Variants in ANKRD26 observed in about 807,000 individuals in gnomAD.
ANKRD26 encodes ankyrin repeat domain 26.
Under a neutral mutation model 208.7 loss-of-function variants are expected in ANKRD26, and 141 were observed. That is an observed-to-expected ratio of 0.68 (90% CI 0.59 to 0.78). ANKRD26 has a LOEUF of 0.78. Among genes scored for constraint, ANKRD26 ranks in the 30% least tolerant of loss-of-function variants. ANKRD26 has a pLI of 0.00. For synonymous variants in ANKRD26, 636 were observed against 660.4 expected (o/e 0.96, Z 0.57); for missense variants, 1,889 against 1,938.7 (o/e 0.97, Z 0.48).
chr10:26,974,002 T>C (rs548206748), exon 6 of ANKRD26, among the ~76,000 whole-genome samples: 300 of 152,182 alleles, frequency 2.0e-3, no homozygotes, highest in Non-Finnish European at 2.7e-3. Context: ...CTAGGATTCA[T>C]TGATGCTTCC....
At chr10:26,977,126 T>C (rs74128507) in intron 5 of ANKRD26, among the ~76,000 whole-genome samples, 39 of 152,346 alleles carry the variant, frequency 2.6e-4, no homozygotes, top group African/African-American at 9.4e-4. Flanking sequence ...GAGTTAATAA[T>C]ACTTCCCATT....
intron 16 of ANKRD26, chr10:27,051,217 C>A (rs1185013379): frequency 7.8e-7 from 1 of 1,289,720 alleles, no homozygotes; most frequent in African/African-American, 1.5e-5. Flanking sequence ...CTCACATTTT[C>A]TAATTCAGGT....
downstream of ANKRD26, among the ~76,000 whole-genome samples, chr10:26,988,248 A>G (rs1189259328): frequency 1.3e-5 from 2 of 152,088 alleles, no homozygotes; most frequent in Admixed American, 6.6e-5. Flanking sequence ...GGAAAGCTAA[A>G]ATTTCTCTCA....
At chr10:26,956,977 C>T in the ANKRD26 span, among the ~76,000 whole-genome samples, 2 of 152,116 alleles carry the variant, frequency 1.3e-5, no homozygotes, top group Non-Finnish European at 2.9e-5. Flanking sequence ...AAAGCTAGAA[C>T]CTAATACTTT....
chr10:27,082,808 T>C lies in ANKRD26; in HGVS notation c.735A>G (p.Leu245=). The change falls in exon 6 of 34, where the codon TTA becomes TTG. Residue 245 remains leucine, a synonymous_variant. Transcript: ENST00000376087. ...AAAAATCTGTAAAATACTACCTGCT[T>C]AAGGAGTCTTCAGAGCTTTCATCCA... ...NSVDESSEDS[L]SRLSGKPGVD... 6.3e-7 allele frequency: 1 copy of C among 1,588,306 alleles called. No individual in the cohort carries two copies. Among genetic ancestry groups the C allele is most frequent in the Non-Finnish European group, 8.6e-7 (1 of 1,166,222 alleles).
intron 21 of ANKRD26, among the ~76,000 whole-genome samples, chr10:27,039,691 C>CA (rs2054165576): frequency 6.6e-6 from 1 of 151,900 alleles, no homozygotes. Flanking sequence ...AACTATAATA[C>CA]AAAAAAACTG....
intron 15 of ANKRD26, among the ~76,000 whole-genome samples, chr10:27,053,814 A>C (rs2054747671): frequency 6.6e-6 from 1 of 152,216 alleles, no homozygotes; most frequent in Non-Finnish European, 1.5e-5. Context: ...AAACAAAACA[A>C]AATTTTATGA....
intron 5 of ANKRD26, among the ~76,000 whole-genome samples, chr10:26,979,648 T>C (rs944181250): frequency 1.3e-5 from 2 of 152,208 alleles, no homozygotes; most frequent in Admixed American, 6.5e-5. Context: ...AGAGCTCACG[T>C]TATGATTATA....
intron 19 of ANKRD26, 22 bp from the exon 20 acceptor site, chr10:27,043,589 T>A: frequency 2.5e-6 from 4 of 1,606,092 alleles, no homozygotes; most frequent in Non-Finnish European, 3.4e-6. Context: ...ATAACACTGT[T>A]TCAAAATGTC....
chr10:27,091,069 C>CTG (rs2056283480), intron 4 of ANKRD26, among the ~76,000 whole-genome samples: 2 of 146,966 alleles, frequency 1.4e-5, no homozygotes, highest in Non-Finnish European at 3.0e-5. Context: ...GCACTCCAGC[C>CTG]CGTGACAGAG....
At chr10:27,045,507 G>T (rs1367795225) in intron 18 of ANKRD26, among the ~76,000 whole-genome samples, 2 of 151,030 alleles carry the variant, frequency 1.3e-5, no homozygotes, top group Non-Finnish European at 2.9e-5. Flanking sequence ...TAATATTTTA[G>T]AACTTTATAA....
intron 29 of ANKRD26, among the ~76,000 whole-genome samples, chr10:27,020,817 T>C (rs765598355): frequency 1.3e-5 from 2 of 152,062 alleles, no homozygotes; most frequent in South Asian, 4.1e-4. Context: ...TGCCGCTATG[T>C]CCAGCTAATT....
In ANKRD26 at chr10:27,077,535, C is replaced by T. The variant is rs377459077; in HGVS notation, c.880G>A (p.Ala294Thr). ...ASQQSRKNLE[A>T]TYGTVRTGNR... Reference sequence around the variant, plus strand: ...CCTGTTCTCACAGTGCCATATGTTGCTTCTACTACAGTAAAAACAAAATAA... The same window carrying T: ...CCTGTTCTCACAGTGCCATATGTTGTTTCTACTACAGTAAAAACAAAATAA... The change falls in exon 9 of 34, where the codon GCA (alanine) becomes ACA (threonine). Residue 294 changes from alanine (A) to threonine (T), a missense_variant. Coordinates refer to ENST00000376087, the MANE Select transcript of ANKRD26 (RefSeq NM_014915.3). 105 of 1,613,736 alleles carry T rather than the reference C, an allele frequency of 6.5e-5. No individual in the cohort carries two copies. Among genetic ancestry groups the T allele is most frequent in the Non-Finnish European group, 8.9e-5 (105 of 1,179,726 alleles).
chr10:26,959,227 G>A, the ANKRD26 span, among the ~76,000 whole-genome samples: 14 of 150,824 alleles, frequency 9.3e-5, no homozygotes, highest in African/African-American at 2.9e-4. Flanking sequence ...GCAGTGAGCC[G>A]AGGTCACGCC....
chr10:26,971,907 G>T (rs886977771), downstream of ANKRD26, among the ~76,000 whole-genome samples: 1 of 152,048 alleles, frequency 6.6e-6, no homozygotes, highest in East Asian at 1.9e-4. Context: ...ATAAGCACTT[G>T]CCAGAAGTTG....
chr10:27,012,952 C>G lies in ANKRD26; in HGVS notation c.4883G>C (p.Arg1628Thr). 6.2e-7 allele frequency: 1 copy of G among 1,614,060 alleles called. No homozygotes were observed. Among genetic ancestry groups the G allele is most frequent in the Non-Finnish European group, 8.5e-7 (1 of 1,179,992 alleles). ...SLDLNRKLIP[R>T]ENLVISTSNP... Reference sequence around the variant, plus strand: ...TGAGGTAGAGATCACTAAGTTTTCTCTTGGAATAAGTTTTCTGTTGAGATC... The same window carrying G: ...TGAGGTAGAGATCACTAAGTTTTCTGTTGGAATAAGTTTTCTGTTGAGATC... Residue 1628 changes from arginine (R) to threonine (T), a missense_variant, in exon 32 of 34, where the codon AGA (arginine) becomes ACA (threonine). By Grantham distance (71) the Arg-to-Thr change is moderately conservative (BLOSUM62 -1). Coordinates refer to ENST00000376087, the MANE Select transcript of ANKRD26 (RefSeq NM_014915.3).
At chr10:27,085,112 T>C (rs548570194) in intron 5 of ANKRD26, among the ~76,000 whole-genome samples, 11 of 152,034 alleles carry the variant, frequency 7.2e-5, no homozygotes, top group Middle Eastern at 3.4e-3. Context: ...TTGTTTGTTT[T>C]TTTTTTGAGA....
At chr10:26,959,322 G>C in the ANKRD26 span, among the ~76,000 whole-genome samples, 9 of 151,422 alleles carry the variant, frequency 5.9e-5, no homozygotes, top group African/African-American at 2.2e-4. Context: ...TACTTGGAGA[G>C]GCGAAATGAA....
chr10:26,974,595 CT>C (rs2052198069), exon 6 of ANKRD26, among the ~76,000 whole-genome samples: 1 of 152,194 alleles, frequency 6.6e-6, no homozygotes, highest in African/African-American at 2.4e-5. Flanking sequence ...CTGCCTTGGC[CT>C]CCCAAAGTGC....
Sources: gnomAD v4.1 joint callset for allele counts (sites outside exome capture counted in the v4.1 genomes callset) on GRCh38, gnomAD v4.1.1 for gene constraint, MANE v1.5 for transcripts, NCBI Gene and HGNC (gene_info 2026-07-23, HGNC 2026-07-21) for gene names.